Variants in ADGRL3 observed in about 807,000 individuals in gnomAD.
The protein encoded by ADGRL3 is adhesion G protein-coupled receptor L3.
Under a neutral mutation model 153.5 loss-of-function variants are expected in ADGRL3, and 62 were observed. That is an observed-to-expected ratio of 0.40 (90% CI 0.33 to 0.50). The LOEUF is 0.50. Ranked by LOEUF, ADGRL3 falls within the 20% of genes least tolerant of loss-of-function variation. The pLI is 0.47. For synonymous variants in ADGRL3, 710 were observed against 672.5 expected (o/e 1.06, Z -0.86); for missense variants, 1,641 against 1,859.4 (o/e 0.88, Z 2.16).
At chr4:62,046,375 T>C (rs550532900) in intron 25 of ADGRL3, among the ~76,000 whole-genome samples, 2 of 152,100 alleles carry the variant, frequency 1.3e-5, no homozygotes, top group South Asian at 4.1e-4. Context: ...AAACTATTTA[T>C]GGGCTTAAAG....
intron 1 of ADGRL3, among the ~76,000 whole-genome samples, chr4:61,219,186 A>G (rs1187749514): frequency 1.3e-5 from 2 of 152,182 alleles, no homozygotes; most frequent in Non-Finnish European, 2.9e-5. Context: ...CTCTAATTAG[A>G]TTATAAGGAT....
At chr4:61,641,011 G>A (rs901851367) in intron 5 of ADGRL3, among the ~76,000 whole-genome samples, 1 of 152,054 alleles carries the variant, frequency 6.6e-6, no homozygotes, top group Non-Finnish European at 1.5e-5. Context: ...CACTTAAACA[G>A]TTTATATTTC....
At chr4:61,708,883 T>C (rs2095905957) in intron 6 of ADGRL3, among the ~76,000 whole-genome samples, 1 of 152,042 alleles carries the variant, frequency 6.6e-6, no homozygotes, top group African/African-American at 2.4e-5. Context: ...TGATCTTGGC[T>C]CTTGCTACCT....
At chr4:61,790,726 C>T (rs752929891) in intron 8 of ADGRL3, among the ~76,000 whole-genome samples, 13 of 152,062 alleles carry the variant, frequency 8.5e-5, no homozygotes, top group Non-Finnish European at 1.6e-4. Context: ...AAAGACATAC[C>T]CAAGACTGGG....
intron 9 of ADGRL3, among the ~76,000 whole-genome samples, chr4:61,852,566 C>T (rs1407645458): frequency 1.1e-4 from 16 of 152,074 alleles, no homozygotes; most frequent in Non-Finnish European, 1.3e-4. Flanking sequence ...CCGCCCGCCT[C>T]GGCCTCCGAA....
intron 25 of ADGRL3, among the ~76,000 whole-genome samples, chr4:62,061,815 A>G (rs114199872): frequency 1.9e-3 from 282 of 152,172 alleles, no homozygotes; most frequent in African/African-American, 6.7e-3. Flanking sequence ...TTTGTTGACT[A>G]GTACTTCATG....
chr4:61,615,668 T>C (rs540838654), intron 5 of ADGRL3, among the ~76,000 whole-genome samples: 24 of 151,898 alleles, frequency 1.6e-4, no homozygotes, highest in African/African-American at 5.1e-4. Flanking sequence ...AAGGATACTT[T>C]GGGGTAGAAG....
chr4:61,225,836 A>C (rs1032126386), intron 1 of ADGRL3, among the ~76,000 whole-genome samples: 2 of 152,156 alleles, frequency 1.3e-5, no homozygotes, highest in Non-Finnish European at 2.9e-5. Context: ...CAGCTCCTTA[A>C]GTTCTCTGGA....
At chr4:61,852,785 A>G (rs974284585) in intron 9 of ADGRL3, among the ~76,000 whole-genome samples, 1 of 151,512 alleles carries the variant, frequency 6.6e-6, no homozygotes, top group African/African-American at 2.4e-5. Flanking sequence ...ATTTCTCTCC[A>G]TAGAGGAATC....
chr4:61,320,695 A>T (rs1223831705), intron 1 of ADGRL3, among the ~76,000 whole-genome samples: 1 of 152,194 alleles, frequency 6.6e-6, no homozygotes, highest in East Asian at 1.9e-4. Context: ...CTTTACAGCA[A>T]CATCTACAGT....
At chr4:62,038,942 A>AT (rs1352086994) in intron 24 of ADGRL3, among the ~76,000 whole-genome samples, 1 of 152,142 alleles carries the variant, frequency 6.6e-6, no homozygotes, top group African/African-American at 2.4e-5. Context: ...AGAAAAAAAA[A>AT]GCATGTTTTC....
At chr4:61,439,351 A>G (rs924207734) in intron 2 of ADGRL3, among the ~76,000 whole-genome samples, 1 of 152,218 alleles carries the variant, frequency 6.6e-6, no homozygotes, top group East Asian at 1.9e-4. Context: ...TTATTCTTCC[A>G]TCAAGATATG....
intron 8 of ADGRL3, among the ~76,000 whole-genome samples, chr4:61,785,380 A>G (rs948851758): frequency 2.0e-5 from 3 of 152,192 alleles, no homozygotes; most frequent in Non-Finnish European, 4.4e-5. Context: ...ATTAACTTCA[A>G]CAACTCTGCC....
intron 3 of ADGRL3, among the ~76,000 whole-genome samples, chr4:61,503,181 T>A (rs561875001): frequency 6.6e-6 from 1 of 152,152 alleles, no homozygotes; most frequent in Non-Finnish European, 1.5e-5. Context: ...CTTCCCCAAA[T>A]ACTCAGTATG....
At chr4:61,587,528 C>G (rs2098951179) in intron 5 of ADGRL3, 88 bp downstream of exon 5, 1 of 988,172 alleles carries the variant, frequency 1.0e-6, no homozygotes, top group African/African-American at 1.6e-5. Context: ...AGAACATAAA[C>G]AGTGTTATGT....
intron 5 of ADGRL3, among the ~76,000 whole-genome samples, chr4:61,644,798 T>G (rs6857007): frequency 0.36 from 55,120 of 151,894 alleles, 10,712 homozygotes; most frequent in East Asian, 0.52. Flanking sequence ...ATGTCTATTA[T>G]GTCCGCTTGG....
rs114144452 is a variant in ADGRL3 at position 61,618,639 on chromosome 4, C to T, written c.473+31199C>T. On this transcript the variant is annotated intron_variant, in intron 5 of 26. Coordinates refer to ENST00000683033, the MANE Select transcript of ADGRL3 (RefSeq NM_001387552.1). ...ACTAACATAACAGTCATGGTGGTCT[C>T]GAGGTTCCAATGAGCAGCAAGAAAG... Among the ~76,000 whole-genome samples, 523 of 152,156 alleles carry T rather than the reference C, an allele frequency of 3.4e-3. 9 individuals carry two copies. Among genetic ancestry groups the T allele is most frequent in the African/African-American group, 0.012 (493 of 41,516 alleles).
chr4:62,035,054 CAAAT>C (rs967135126), intron 23 of ADGRL3, among the ~76,000 whole-genome samples: 9 of 151,936 alleles, frequency 5.9e-5, no homozygotes, highest in Non-Finnish European at 1.3e-4. Context: ...ATTGAACAAT[CAAAT>C]AACTGCTTTT....
chr4:61,235,439 A>G (rs533728469), intron 1 of ADGRL3, among the ~76,000 whole-genome samples: 2 of 152,310 alleles, frequency 1.3e-5, no homozygotes, highest in East Asian at 3.9e-4. Flanking sequence ...ATAGTTCAGA[A>G]TGATACTGTA....
Sources: gnomAD v4.1 joint callset for allele counts (sites outside exome capture counted in the v4.1 genomes callset) on GRCh38, gnomAD v4.1.1 for gene constraint, MANE v1.5 for transcripts, NCBI Gene and HGNC (gene_info 2026-07-23, HGNC 2026-07-21) for gene names.